NPTN: variants seen among roughly 807,000 people sequenced by gnomAD.
The protein encoded by NPTN is neuroplastin.
In NPTN, 5 loss-of-function variants were observed where a neutral mutation model predicts 42.7. The ratio of observed to expected loss-of-function variants is 0.12; its 90% CI spans 0.06 to 0.25. The LOEUF (loss-of-function observed/expected upper bound fraction) is 0.25. NPTN is among the 10% of genes least tolerant of loss of function. The probability of loss-of-function intolerance (pLI) is 1.00; values close to 1 mark genes in which losing one functional copy is unlikely to be tolerated. For synonymous variants in NPTN, 180 were observed against 201.9 expected, an observed-to-expected ratio of 0.89 and a Z score of 0.92; for missense variants, 307 against 525.4, an observed-to-expected ratio of 0.58 and a Z score of 4.06.
intron 6 of NPTN, among the ~76,000 whole-genome samples, chr15:73,563,827 C>A (rs1894826524): frequency 6.6e-6 from 1 of 152,156 alleles, no homozygotes; most frequent in Admixed American, 6.5e-5. Context: ...AATAGTTCAA[C>A]CTAAATTGGG....
chr15:73,620,099 G>C (rs1898062876), intron 1 of NPTN, among the ~76,000 whole-genome samples: 1 of 152,204 alleles, frequency 6.6e-6, no homozygotes, highest in African/African-American at 2.4e-5. Context: ...ACACAACTTA[G>C]AGGCCCACTG....
intron 1 of NPTN, among the ~76,000 whole-genome samples, chr15:73,623,860 T>C (rs1020472348): frequency 2.6e-5 from 4 of 152,226 alleles, no homozygotes; most frequent in African/African-American, 7.2e-5. Context: ...CTACTTATAA[T>C]GGTTCTGACG....
chr15:73,582,068 C>T (rs1451237085), intron 4 of NPTN, among the ~76,000 whole-genome samples: 1 of 152,208 alleles, frequency 6.6e-6, no homozygotes, highest in Non-Finnish European at 1.5e-5. Context: ...CTTGAACTCC[C>T]GACCTTGTGA....
chr15:73,565,962 G>T (rs1184802299), intron 6 of NPTN, among the ~76,000 whole-genome samples: 1 of 152,172 alleles, frequency 6.6e-6, no homozygotes, highest in Non-Finnish European at 1.5e-5. Flanking sequence ...ATGAAGAGTT[G>T]ACTCTCTGGT....
At chr15:73,591,921 G>T (rs1289028714) in intron 3 of NPTN, 45 bp downstream of exon 3, 12 of 1,557,820 alleles carry the variant, frequency 7.7e-6, no homozygotes, top group Non-Finnish European at 9.6e-6. Flanking sequence ...AGTAAGCTCA[G>T]CCACACTCCC....
chr15:73,592,231 A>G (rs1896628542), intron 2 of NPTN, 94 bp from the exon 3 acceptor site: 1 of 1,054,672 alleles, frequency 9.5e-7, no homozygotes. Context: ...GGGAAACTAG[A>G]AAAAGAGGGA....
At chr15:73,626,597 T>C (rs1306200102) in intron 1 of NPTN, among the ~76,000 whole-genome samples, 1 of 152,188 alleles carries the variant, frequency 6.6e-6, no homozygotes, top group African/African-American at 2.4e-5. Flanking sequence ...GGCATAACAA[T>C]TTATATATGC....
At chr15:73,594,262 T>C (rs571639046) in intron 2 of NPTN, among the ~76,000 whole-genome samples, 4 of 152,292 alleles carry the variant, frequency 2.6e-5, no homozygotes, top group East Asian at 3.9e-4. Context: ...AGCTTCCAGA[T>C]GTTTAAATAC....
At chr15:73,580,548 A>G (rs1895979871) in intron 4 of NPTN, among the ~76,000 whole-genome samples, 1 of 141,964 alleles carries the variant, frequency 7.0e-6, no homozygotes, top group African/African-American at 2.6e-5. Context: ...TTTGTTATAT[A>G]TGTATATATG....
intron 4 of NPTN, among the ~76,000 whole-genome samples, chr15:73,580,346 G>A (rs1283445878): frequency 6.9e-6 from 1 of 145,846 alleles, no homozygotes; most frequent in African/African-American, 2.6e-5. Flanking sequence ...TAACAAACCT[G>A]CACGTTCTGT....
At chr15:73,622,045 G>A (rs1444061841) in intron 1 of NPTN, among the ~76,000 whole-genome samples, 3 of 152,126 alleles carry the variant, frequency 2.0e-5, no homozygotes, top group Non-Finnish European at 2.9e-5. Context: ...ACATCCCATA[G>A]GAGACTGAGG....
rs574855639 is a variant in NPTN, at chr15:73,598,319, T to C, written c.92-950A>G. On this transcript the variant is annotated intron_variant, in intron 1 of 8. Transcript: ENST00000345330. Reference sequence around the variant, plus strand: ...GCTCAGAAGAATGAGAAATGTACCCTGATGAATTAAACTAAACACTAGGGT... The same window carrying C: ...GCTCAGAAGAATGAGAAATGTACCCCGATGAATTAAACTAAACACTAGGGT... Among the ~76,000 whole-genome samples the C allele has an allele frequency of 1.1e-3, 161 of 152,256 alleles. 1 individual carries two copies. Among genetic ancestry groups the C allele is most frequent in the Non-Finnish European group, 1.3e-3 (89 of 68,016 alleles).
chr15:73,605,481 C>T (rs904412635), intron 1 of NPTN, among the ~76,000 whole-genome samples: 4 of 152,090 alleles, frequency 2.6e-5, no homozygotes, highest in African/African-American at 9.7e-5. Flanking sequence ...GTAATCCCAG[C>T]ACTTTGGGAG....
rs1895267528 is a variant in NPTN, at chr15:73,569,951, AAAAAAATAAAAATAAAATAAAAAT to A, written c.1114+175_1114+198del. ...AGGACAGCTCTAGATGGCTAATGCA[AAAAAAATAAAAATAAAATAAAAAT>A]AAAAAATAAAAATAAAAAACTCTTA... On this transcript the variant is annotated intron_variant, in intron 6 of 8. Coordinates refer to ENST00000345330, the MANE Select transcript of NPTN (RefSeq NM_012428.4). This position sits in a 1 kb window ranked among gnomAD's most constrained non-coding sequence, Gnocchi z 4.1. The A allele has an allele frequency of 2.5e-6, 1 of 400,744 alleles. No individual in the cohort carries two copies. Among genetic ancestry groups the A allele is most frequent in the Non-Finnish European group, 3.4e-6 (1 of 296,132 alleles). The allele number at this position is 400,744 out of a possible 1,614,324, so 24.8% of individuals were successfully genotyped here.
At chr15:73,614,619 A>G in intron 1 of NPTN, among the ~76,000 whole-genome samples, 1 of 152,212 alleles carries the variant, frequency 6.6e-6, no homozygotes, top group East Asian at 1.9e-4. Flanking sequence ...GTTTCCCCAC[A>G]GTGCCTTGCT....
chr15:73,610,645 C>T (rs1445774286), intron 1 of NPTN, among the ~76,000 whole-genome samples: 1 of 152,126 alleles, frequency 6.6e-6, no homozygotes, highest in East Asian at 1.9e-4. Flanking sequence ...GAAACAAAGC[C>T]AATATGCCAC....
At chr15:73,617,276 C>T (rs1595962822) in intron 1 of NPTN, among the ~76,000 whole-genome samples, 1 of 152,292 alleles carries the variant, frequency 6.6e-6, no homozygotes, top group East Asian at 1.9e-4. Context: ...AAAGGAAGAA[C>T]TTCAACATTT....
Position 73,597,061 on chromosome 15 carries a change from T to C in NPTN, c.400A>G (p.Thr134Ala). The change falls in exon 2 of 9, where the codon ACA (threonine) becomes GCA (alanine). Residue 134 changes from threonine to alanine, a missense_variant. Coordinates refer to ENST00000345330, the MANE Select transcript of NPTN (RefSeq NM_012428.4). This position sits in a 1 kb window ranked among gnomAD's most constrained non-coding sequence, Gnocchi z 6.3. ...RNDLRQNPSI[T>A]WIRAQATISV... ...ATGGTGGCCTGGGCTCGAATCCATG[T>C]TATGGAGGGGTTTTGCCTCAAGTCA... 1.9e-6 allele frequency: 3 copies of C among 1,613,970 alleles called. No individual in the cohort carries two copies. The highest frequency in any genetic ancestry group is 2.5e-6 in the Non-Finnish European group (3 of 1,179,944).
chr15:73,596,737 T>C lies in NPTN; in HGVS notation c.439+285A>G, dbSNP rs1004308279. Among the ~76,000 whole-genome samples the C allele has an allele frequency of 3.3e-5, 5 of 152,152 alleles. 2 individuals carry two copies. The South Asian group carries it at 1.0e-3, about 32-fold the overall frequency. On this transcript the variant is annotated intron_variant, in intron 2 of 8. Coordinates refer to ENST00000345330, the MANE Select transcript of NPTN (RefSeq NM_012428.4). ...CAACTCTTCCCAACACAGATGATTT[T>C]GGACAGTCACGGATTTCCTCAAGTT...
Sources: gnomAD v4.1 joint callset for allele counts (sites outside exome capture counted in the v4.1 genomes callset) on GRCh38, gnomAD v4.1.1 for gene constraint, Gnocchi (gnomAD v3.1) non-coding constraint, MANE v1.5 for transcripts, NCBI Gene and HGNC (gene_info 2026-07-23, HGNC 2026-07-21) for gene names.